Variants in NUDT3 observed in about 807,000 individuals in gnomAD.
NUDT3 encodes diphosphoinositol polyphosphate phosphohydrolase 1.
Under a neutral mutation model 23.6 loss-of-function variants are expected in NUDT3, and 9 were observed. That is an observed-to-expected ratio of 0.38 (90% CI 0.23 to 0.66). NUDT3 has a LOEUF of 0.66. NUDT3 is among the 30% of genes least tolerant of loss of function. The pLI, the probability that NUDT3 is intolerant of heterozygous loss-of-function variation, is 0.52. For missense variants in NUDT3, 172 were observed against 218.5 expected, an observed-to-expected ratio of 0.79 and a Z score of 1.34; for synonymous variants, 86 against 82.6, an observed-to-expected ratio of 1.04 and a Z score of -0.22.
chr6:34,366,359 G>C (rs1764728492), intron 1 of NUDT3, among the ~76,000 whole-genome samples: 1 of 150,944 alleles, frequency 6.6e-6, no homozygotes, highest in Non-Finnish European at 1.5e-5. Flanking sequence ...GTGGGTGACT[G>C]AGCAAGACCT....
Position 34,341,894 on chromosome 6 carries a change from T to C in NUDT3, c.178A>G (p.Ser60Gly), listed in dbSNP as rs1764293641. The C allele has an allele frequency of 5.0e-6, 8 of 1,614,070 alleles. No homozygotes were observed. The highest frequency in any genetic ancestry group is 3.3e-5 in the South Asian group (3 of 91,072). The change falls in exon 2 of 5, where the codon AGT becomes GGT. Residue 60 changes from serine to glycine, a missense_variant. Transcript: ENST00000607016. ...CAGACTTCACGAACTGCTGCCACAC[T>C]TGGCTCCTCCTCGGGCTCCATGCCT... The part of the protein sequence containing the change: ...GGGMEPEEEP[S>G]VAAVREVCEE...
Position 34,392,533 on chromosome 6 carries a change from C to G in NUDT3, c.-171G>C, listed in dbSNP as rs944591664. 6.5e-6 allele frequency: 3 copies of G among 459,924 alleles called. No individual in the cohort carries two copies. The highest frequency in any genetic ancestry group is 1.1e-5 in the Non-Finnish European group (3 of 261,378). The allele number at this position is 459,924 out of a possible 1,614,324, so 28.5% of individuals were successfully genotyped here. On this transcript the variant is annotated 5_prime_UTR_variant, in exon 1 of 5. Coordinates refer to ENST00000607016, the MANE Select transcript of NUDT3 (RefSeq NM_006703.4). ...GGCCCGCCGCGGCCGCCTCATTCCC[C>G]CAGGCCCAGGTCCCGCGCCGCCGCT...
At chr6:34,294,958 CT>C (rs1168626044) in intron 3 of NUDT3, among the ~76,000 whole-genome samples, 1 of 152,100 alleles carries the variant, frequency 6.6e-6, no homozygotes, top group Non-Finnish European at 1.5e-5. Flanking sequence ...TGATTTCTCA[CT>C]TTTCCCTGCC....
chr6:34,301,298 T>C (rs1186905664), intron 2 of NUDT3, among the ~76,000 whole-genome samples: 2 of 152,232 alleles, frequency 1.3e-5, no homozygotes, highest in African/African-American at 2.4e-5. Flanking sequence ...ACTGCAGAGA[T>C]AGTGACCATT....
At chr6:34,373,781 T>C (rs964180657) in intron 1 of NUDT3, among the ~76,000 whole-genome samples, 4 of 152,228 alleles carry the variant, frequency 2.6e-5, no homozygotes, top group Non-Finnish European at 5.9e-5. Flanking sequence ...AGATTACACT[T>C]CTATAATTGT....
intron 2 of NUDT3, among the ~76,000 whole-genome samples, chr6:34,324,479 A>C (rs1305460218): frequency 1.3e-5 from 2 of 152,104 alleles, no homozygotes; most frequent in Non-Finnish European, 2.9e-5. Flanking sequence ...ATCATAGCTC[A>C]CTGTAATCTT....
At position 34,307,861 on chromosome 6, in the gene NUDT3, G is replaced by A. The variant is rs147351375; in HGVS notation, c.211-12176C>T. Among the ~76,000 whole-genome samples the A allele has an allele frequency of 9.3e-4, 142 of 152,114 alleles. No individual in the cohort carries two copies. The East Asian group carries it at 0.018, about 19-fold the overall frequency. On this transcript the variant is annotated intron_variant, in intron 2 of 4. Transcript: ENST00000607016. Reference sequence around the variant, plus strand: ...GGGTTGGGTGCAGGGGCTCATGCCTGTAATCTCAGCACTTTGGGCGGCTGA... The same window carrying A: ...GGGTTGGGTGCAGGGGCTCATGCCTATAATCTCAGCACTTTGGGCGGCTGA...
intron 2 of NUDT3, among the ~76,000 whole-genome samples, chr6:34,319,393 T>C (rs169583): frequency 0.013 from 1,980 of 152,292 alleles, 43 homozygotes; most frequent in African/African-American, 0.045. Context: ...TTGGGCTCAA[T>C]TGCTAAAGCA....
At chr6:34,316,393 T>C (rs776949555) in intron 2 of NUDT3, among the ~76,000 whole-genome samples, 6 of 152,244 alleles carry the variant, frequency 3.9e-5, no homozygotes, top group African/African-American at 7.2e-5. Flanking sequence ...GAGAGTCTCC[T>C]AGAAATTCCC....
intron 1 of NUDT3, among the ~76,000 whole-genome samples, chr6:34,380,382 T>C (rs1223021213): frequency 2.0e-5 from 3 of 152,092 alleles, no homozygotes; most frequent in Non-Finnish European, 4.4e-5. Flanking sequence ...AGAAAGGATC[T>C]TGCTCTGTCA....
chr6:34,324,062 C>A (rs917774297), intron 2 of NUDT3, among the ~76,000 whole-genome samples: 1 of 152,070 alleles, frequency 6.6e-6, no homozygotes, highest in Non-Finnish European at 1.5e-5. Flanking sequence ...CACTTAAAAG[C>A]CTTCAGAATG....
chr6:34,302,340 T>A (rs568800657), intron 2 of NUDT3, among the ~76,000 whole-genome samples: 1 of 152,320 alleles, frequency 6.6e-6, no homozygotes, highest in East Asian at 1.9e-4. Flanking sequence ...CTGGCACTTG[T>A]CTTTTACCCT....
Position 34,285,047 on chromosome 6 carries a change from ACCTTCTGCAG to A in NUDT3, c.*3696_*3705del, listed in dbSNP as rs2113686656. 1 of 152,226 alleles carries A rather than the reference ACCTTCTGCAG, an allele frequency of 6.6e-6. No homozygotes were observed. Among genetic ancestry groups the A allele is most frequent in the South Asian group, 2.1e-4 (1 of 4,812 alleles). 9.4% of individuals were successfully genotyped at this position (152,226 alleles called of 1,614,324 possible). ...ATCCTGCTGTGACGCCACCCTCGAG[ACCTTCTGCAG>A]CCTGAGAGGGGGTGATACTCCCACA... On this transcript the variant is annotated 3_prime_UTR_variant, in exon 5 of 5. Transcript: ENST00000607016.
intron 1 of NUDT3, among the ~76,000 whole-genome samples, chr6:34,349,925 C>CT (rs1439749936): frequency 6.7e-6 from 1 of 150,108 alleles, no homozygotes; most frequent in Non-Finnish European, 1.5e-5. Flanking sequence ...CCCGTCTCTA[C>CT]TAAAAACACA....
intron 4 of NUDT3, among the ~76,000 whole-genome samples, chr6:34,290,510 C>T (rs986475460): frequency 6.6e-6 from 1 of 150,522 alleles, no homozygotes. Context: ...GCATGAGCCA[C>T]CACACCTGTC....
At position 34,392,499 on chromosome 6, in the gene NUDT3, TCCGCCGCTGGC is replaced by T; in HGVS notation, c.-148_-138del. 1 of 529,906 alleles carries T rather than the reference TCCGCCGCTGGC, an allele frequency of 1.9e-6. No individual in the cohort carries two copies. The highest frequency in any genetic ancestry group is 2.4e-5 in the South Asian group (1 of 41,126). The allele number at this position is 529,906 out of a possible 1,614,324, so 32.8% of individuals were successfully genotyped here. A position where few individuals can be genotyped will look rare whatever the true frequency, so the allele number is the denominator to read the frequency against. ...AGGGGGAGCTTCTCCGCTACACGGC[TCCGCCGCTGGC>T]CCGCCGCGGCCGCCTCATTCCCCCA... On this transcript the variant is annotated 5_prime_UTR_variant, in exon 1 of 5. An upstream open reading frame in the 5' UTR loses its in-frame stop. Transcript: ENST00000607016.
intron 2 of NUDT3, among the ~76,000 whole-genome samples, chr6:34,299,438 C>T (rs1286772042): frequency 1.3e-5 from 2 of 151,498 alleles, no homozygotes; most frequent in Non-Finnish European, 2.9e-5. Flanking sequence ...TACCCTTTTT[C>T]TTTTTTTTAA....
intron 1 of NUDT3, among the ~76,000 whole-genome samples, chr6:34,388,615 T>C (rs1409546719): frequency 2.0e-5 from 3 of 152,172 alleles, no homozygotes; most frequent in Admixed American, 1.3e-4. Flanking sequence ...AAAAGCACCC[T>C]AGAGATTATT....
intron 1 of NUDT3, among the ~76,000 whole-genome samples, chr6:34,364,974 T>C (rs1764705179): frequency 6.6e-6 from 1 of 152,050 alleles, no homozygotes; most frequent in Non-Finnish European, 1.5e-5. Flanking sequence ...TGAGCTAAGA[T>C]CATGCCACTG....
Sources: allele counts gnomAD v4.1 joint callset (sites outside exome capture counted in the v4.1 genomes callset), GRCh38; gene constraint gnomAD v4.1.1; transcripts MANE v1.5; gene names NCBI Gene and HGNC (gene_info 2026-07-23, HGNC 2026-07-21).